The following TTC27 variants were observed in gnomAD, a reference collection of about 807,000 sequenced individuals.
The protein encoded by TTC27 is tetratricopeptide repeat domain 27.
In TTC27, 79 loss-of-function variants were observed where a neutral mutation model predicts 115.9. The observed-to-expected ratio is 0.68, with a 90% CI of 0.57 to 0.82. TTC27 has a LOEUF of 0.82. Ranked by LOEUF, TTC27 falls within the 40% of genes least tolerant of loss-of-function variation. The pLI is 0.00. For missense variants in TTC27, 1,054 were observed against 993.1 expected (o/e 1.06, Z -0.82); for synonymous variants, 401 against 356.0 (o/e 1.13, Z -1.42).
chr2:32,741,368 G>C (rs12052885), intron 12 of TTC27, among the ~76,000 whole-genome samples: 1 of 151,902 alleles, frequency 6.6e-6, no homozygotes, highest in Non-Finnish European at 1.5e-5. Context: ...TGTTGGCCAG[G>C]TGTGGTGGCT....
rs199829747 is a variant in TTC27, at chr2:32,812,598, C to A, written c.2291C>A (p.Ala764Asp). Reference protein sequence around the residue: ...ITSFKEVVQRALGLAHVAIKC... With the variant: ...ITSFKEVVQRDLGLAHVAIKC... ...TCATTTAAGGAAGTTGTTCAAAGAG[C>A]CTTAGGACTTGCACATGGTATTTGA... is the stretch of plus-strand genomic sequence containing the variant. Residue 764 changes from alanine (A) to aspartate (D), a missense_variant, in exon 18 of 20, where the codon GCC becomes GAC. Coordinates refer to ENST00000317907, the MANE Select transcript of TTC27 (RefSeq NM_017735.5). The A allele has an allele frequency of 1.9e-6, 3 of 1,613,170 alleles. No individual in the cohort carries two copies. Among genetic ancestry groups the A allele is most frequent in the South Asian group, 1.1e-5 (1 of 91,044 alleles).
chr2:32,726,678 A>G (rs1668118215), intron 10 of TTC27, among the ~76,000 whole-genome samples: 1 of 152,208 alleles, frequency 6.6e-6, no homozygotes, highest in Non-Finnish European at 1.5e-5. Flanking sequence ...CCTGTTGCCC[A>G]GTTCCAAAGT....
intron 10 of TTC27, among the ~76,000 whole-genome samples, chr2:32,711,694 C>T (rs1376251021): frequency 6.6e-6 from 1 of 152,084 alleles, no homozygotes; most frequent in Non-Finnish European, 1.5e-5. Flanking sequence ...AATCCCAGCA[C>T]TTTGGGAGGC....
chr2:32,656,393 A>G (rs912043628), intron 5 of TTC27, among the ~76,000 whole-genome samples: 2 of 152,122 alleles, frequency 1.3e-5, no homozygotes, highest in Admixed American at 1.3e-4. Flanking sequence ...GAATGGTGGG[A>G]ATTTTTTAGG....
intron 4 of TTC27, among the ~76,000 whole-genome samples, chr2:32,646,657 G>A (rs1041027177): frequency 2.8e-5 from 4 of 142,732 alleles, no homozygotes; most frequent in Admixed American, 7.6e-5. Context: ...TCCACCTTCC[G>A]GGTTCATGCC....
At chr2:32,728,135 G>A (rs977964782) in intron 10 of TTC27, among the ~76,000 whole-genome samples, 2 of 151,022 alleles carry the variant, frequency 1.3e-5, no homozygotes, top group Non-Finnish European at 2.9e-5. Flanking sequence ...CCACCTCCCG[G>A]GTTCACACCA....
intron 13 of TTC27, among the ~76,000 whole-genome samples, chr2:32,761,965 G>C (rs1669451949): frequency 6.6e-6 from 1 of 152,048 alleles, no homozygotes; most frequent in African/African-American, 2.4e-5. Context: ...ACGTAGCACT[G>C]AGCCAAAGAA....
chr2:32,644,788 T>C (rs372248958), intron 4 of TTC27, among the ~76,000 whole-genome samples: 1 of 151,842 alleles, frequency 6.6e-6, no homozygotes. Flanking sequence ...TGTGGGTCTT[T>C]ACTATATCAT....
intron 15 of TTC27, among the ~76,000 whole-genome samples, chr2:32,783,537 C>T (rs1670251547): frequency 6.6e-6 from 1 of 152,150 alleles, no homozygotes; most frequent in South Asian, 2.1e-4. Context: ...TGAGACTGTC[C>T]TGTTGAGAAT....
intron 8 of TTC27, among the ~76,000 whole-genome samples, chr2:32,674,191 C>T (rs1666112731): frequency 6.6e-6 from 1 of 150,918 alleles, no homozygotes; most frequent in African/African-American, 2.4e-5. Context: ...TGCACTGTCG[C>T]CCAGGCTGGA....
intron 18 of TTC27, among the ~76,000 whole-genome samples, chr2:32,814,455 A>C (rs140856383): frequency 1.3e-5 from 2 of 152,222 alleles, no homozygotes; most frequent in African/African-American, 4.8e-5. Context: ...ACAAAGATAA[A>C]TCTTAATCAT....
chr2:32,765,357 C>CT (rs35543003), intron 13 of TTC27, among the ~76,000 whole-genome samples: 48,917 of 139,620 alleles, frequency 0.35, 8,806 homozygotes, highest in Non-Finnish European at 0.42. Context: ...TGAAAGGAAT[C>CT]TTTTTTTTTT....
At chr2:32,808,468 G>A (rs1440772812) in intron 16 of TTC27, among the ~76,000 whole-genome samples, 1 of 152,094 alleles carries the variant, frequency 6.6e-6, no homozygotes, top group East Asian at 1.9e-4. Context: ...CTCTCTTCTG[G>A]TGGTATCTGC....
intron 12 of TTC27, among the ~76,000 whole-genome samples, chr2:32,742,300 T>C (rs1162325502): frequency 1.3e-5 from 2 of 152,128 alleles, no homozygotes; most frequent in Non-Finnish European, 2.9e-5. Context: ...TTGAGAAAAA[T>C]AGGCAAAATA....
At chr2:32,706,649 C>T in intron 10 of TTC27, among the ~76,000 whole-genome samples, 1 of 152,070 alleles carries the variant, frequency 6.6e-6, no homozygotes, top group South Asian at 2.1e-4. Context: ...ACTGCAACCT[C>T]TGCCTCCCAG....
At chr2:32,772,927 C>T (rs1261888012) in intron 13 of TTC27, among the ~76,000 whole-genome samples, 1 of 152,132 alleles carries the variant, frequency 6.6e-6, no homozygotes, top group Non-Finnish European at 1.5e-5. Flanking sequence ...AACTGAGACT[C>T]ATAGGTTAAG....
At chr2:32,773,877 G>A (rs1050360401) in intron 13 of TTC27, among the ~76,000 whole-genome samples, 1 of 152,152 alleles carries the variant, frequency 6.6e-6, no homozygotes, top group Non-Finnish European at 1.5e-5. Context: ...GGTATTCCAG[G>A]GCCTATGTCA....
chr2:32,734,202 CT>C (rs914387000), intron 11 of TTC27, among the ~76,000 whole-genome samples: 5 of 150,856 alleles, frequency 3.3e-5, no homozygotes, highest in East Asian at 1.9e-4. Flanking sequence ...AAAGTAACTT[CT>C]TTTTTTTTAA....
intron 10 of TTC27, among the ~76,000 whole-genome samples, chr2:32,728,695 T>C (rs1292943160): frequency 6.6e-6 from 1 of 152,244 alleles, no homozygotes. Context: ...CATCGCCTTA[T>C]GACTTTGGGC....
Sources: allele counts gnomAD v4.1 joint callset (sites outside exome capture counted in the v4.1 genomes callset), GRCh38; gene constraint gnomAD v4.1.1; transcripts MANE v1.5; gene names NCBI Gene and HGNC (gene_info 2026-07-23, HGNC 2026-07-21).